PGAP3: variants seen among roughly 807,000 people sequenced by gnomAD.
The protein encoded by PGAP3 is GPI-specific phospholipase A2-like PGAP3.
A neutral mutation model predicts 40.3 loss-of-function variants in PGAP3; 31 were observed. The observed-to-expected ratio is 0.77, with a 90% CI of 0.58 to 1.04. The LOEUF (loss-of-function observed/expected upper bound fraction) is 1.04, where lower values mean the gene tolerates loss of function less well. Among genes scored for constraint, PGAP3 ranks in the 50% least tolerant of loss-of-function variants. PGAP3 has a pLI of 0.00. For missense variants in PGAP3, 413 were observed against 423.0 expected (o/e 0.98, Z 0.21); for synonymous variants, 191 against 184.5 (o/e 1.04, Z -0.29).
intron 1 of PGAP3, among the ~76,000 whole-genome samples, chr17:39,686,460 TG>T (rs2145151307): frequency 6.6e-6 from 1 of 152,100 alleles, no homozygotes; most frequent in Admixed American, 6.6e-5. Flanking sequence ...TTCTCCATGT[TG>T]GTCAGGGTGG....
At chr17:39,684,482 C>A in intron 3 of PGAP3, 115 bp downstream of exon 3, 1 of 1,303,682 alleles carries the variant, frequency 7.7e-7, no homozygotes, top group Non-Finnish European at 1.0e-6. Context: ...CAACTTTAGC[C>A]CTGGGAAACA....
chr17:39,683,111 G>A (rs182700267), intron 3 of PGAP3, among the ~76,000 whole-genome samples: 61 of 151,328 alleles, frequency 4.0e-4, no homozygotes, highest in Admixed American at 9.8e-4. Context: ...AAATCCCTCC[G>A]TACTTCCTGA....
intron 5 of PGAP3, 77 bp from the exon 6 acceptor site, chr17:39,673,727 C>G (rs888432732): frequency 1.3e-5 from 20 of 1,577,440 alleles, no homozygotes; most frequent in Non-Finnish European, 1.6e-5. Context: ...ATCTCCTCCC[C>G]CCAACATTGG....
intron 3 of PGAP3, among the ~76,000 whole-genome samples, chr17:39,678,808 T>C (rs149512621): frequency 6.6e-6 from 1 of 152,156 alleles, no homozygotes; most frequent in East Asian, 1.9e-4. Context: ...TCCACAGGAG[T>C]GTGGGTTCTG....
At chr17:39,674,553 C>G in intron 4 of PGAP3, 64 bp downstream of exon 4, 1 of 1,483,304 alleles carries the variant, frequency 6.7e-7, no homozygotes, top group Non-Finnish European at 9.2e-7. Flanking sequence ...TAGAGCCCCT[C>G]TGCCCACTTC....
chr17:39,676,182 T>G (rs1273038070), intron 3 of PGAP3, among the ~76,000 whole-genome samples: 1 of 152,128 alleles, frequency 6.6e-6, no homozygotes, highest in South Asian at 2.1e-4. Flanking sequence ...AGAGTCAGCA[T>G]GGGGAGAGGA....
In PGAP3 at chr17:39,673,052, T is replaced by C. The variant is rs779595776; in HGVS notation, c.898A>G (p.Ser300Gly). 1.1e-5 allele frequency: 17 copies of C among 1,603,620 alleles called. No individual in the cohort carries two copies. The highest frequency in any genetic ancestry group is 6.9e-5 in the Admixed American group (4 of 57,756). The part of the protein sequence containing the change: ...STIPVHVLFF[S>G]FLEDDSLYLL... ...CACCAGGCAGGGGGCAGCACCCACCTGAAAAAGAGGACGTGGACAGGGATG... is the reference window on the plus strand; with the variant it reads ...CACCAGGCAGGGGGCAGCACCCACCCGAAAAAGAGGACGTGGACAGGGATG... Residue 300 changes from serine to glycine, a missense_variant and splice_region_variant, in exon 7 of 8, where the codon AGC (serine) becomes GGC (glycine). Ser to Gly is a moderately conservative substitution (Grantham distance 56). Coordinates refer to ENST00000300658, the MANE Select transcript of PGAP3 (RefSeq NM_033419.5).
At chr17:39,677,376 G>A (rs2057387413) in intron 3 of PGAP3, among the ~76,000 whole-genome samples, 1 of 152,074 alleles carries the variant, frequency 6.6e-6, no homozygotes, top group Non-Finnish European at 1.5e-5. Flanking sequence ...AAACTATGGG[G>A]CCTCAGGGTC....
In PGAP3 at chr17:39,673,046, C is replaced by A. The variant is rs1411041683; in HGVS notation, c.899+5G>T. ...GGTGAGCACCAGGCAGGGGGCAGCA[C>A]CCACCTGAAAAAGAGGACGTGGACA... is the stretch of plus-strand genomic sequence containing the variant. On this transcript the variant is annotated splice_donor_5th_base_variant and intron_variant, in intron 7 of 7. Transcript: ENST00000300658. 6.2e-7 allele frequency: 1 copy of A among 1,601,244 alleles called. No individual in the cohort carries two copies. The highest frequency in any genetic ancestry group is 1.7e-5 in the Admixed American group (1 of 57,218).
At chr17:39,684,107 A>G (rs1176879587) in intron 3 of PGAP3, among the ~76,000 whole-genome samples, 1 of 132,332 alleles carries the variant, frequency 7.6e-6, no homozygotes, top group Non-Finnish European at 1.6e-5. Context: ...CCTGGGTGAC[A>G]CAGTGAGACT....
intron 3 of PGAP3, among the ~76,000 whole-genome samples, chr17:39,678,022 G>T (rs1258104174): frequency 1.3e-5 from 2 of 152,160 alleles, no homozygotes; most frequent in East Asian, 3.9e-4. Context: ...CCCTGCCTCA[G>T]GCAGGGCAGG....
intron 2 of PGAP3, among the ~76,000 whole-genome samples, chr17:39,685,398 A>G (rs959170242): frequency 6.6e-6 from 1 of 151,616 alleles, no homozygotes; most frequent in Non-Finnish European, 1.5e-5. Flanking sequence ...AGGCTCAGGC[A>G]TGAGAATTGC....
At chr17:39,673,833 G>T in intron 5 of PGAP3, 160 bp downstream of exon 5, 2 of 1,202,494 alleles carry the variant, frequency 1.7e-6, no homozygotes, top group Non-Finnish European at 2.3e-6. Flanking sequence ...AGGGCCCCCA[G>T]TCCTACCCCA....
chr17:39,674,715 C>T (rs753811430), intron 3 of PGAP3, 36 bp from the exon 4 acceptor site: 14 of 1,529,798 alleles, frequency 9.2e-6, no homozygotes, highest in African/African-American at 6.9e-5. Flanking sequence ...TGCTGCCCCC[C>T]ACCCTGACCT....
intron 3 of PGAP3, among the ~76,000 whole-genome samples, chr17:39,680,494 G>A (rs993246555): frequency 2.0e-5 from 3 of 152,058 alleles, no homozygotes; most frequent in Admixed American, 1.3e-4. Flanking sequence ...TCCTTCCCAC[G>A]CCCACCTCCC....
At chr17:39,674,258 G>T (rs751785397) in intron 4 of PGAP3, among the ~76,000 whole-genome samples, 2 of 152,184 alleles carry the variant, frequency 1.3e-5, no homozygotes, top group Non-Finnish European at 2.9e-5. Context: ...GACGCTGGTG[G>T]AGGGTTCCTG....
intron 1 of PGAP3, among the ~76,000 whole-genome samples, chr17:39,686,690 G>T (rs1194779914): frequency 6.6e-6 from 1 of 150,994 alleles, no homozygotes; most frequent in East Asian, 2.0e-4. Flanking sequence ...CTCCCAAGTA[G>T]CGAGACCACA....
intron 3 of PGAP3, among the ~76,000 whole-genome samples, chr17:39,678,921 AC>A (rs989499667): frequency 2.0e-4 from 31 of 151,740 alleles, no homozygotes; most frequent in African/African-American, 7.0e-4. Flanking sequence ...GCCTTCTACC[AC>A]CCCAACATCT....
chr17:39,686,546 G>A (rs559206455), intron 1 of PGAP3, among the ~76,000 whole-genome samples: 2 of 141,512 alleles, frequency 1.4e-5, no homozygotes, highest in African/African-American at 5.2e-5. Context: ...ACGAGCCACC[G>A]CACCCGGCAT....
Sources: allele counts gnomAD v4.1 joint callset (sites outside exome capture counted in the v4.1 genomes callset), GRCh38; gene constraint gnomAD v4.1.1; transcripts MANE v1.5; gene names NCBI Gene and HGNC (gene_info 2026-07-23, HGNC 2026-07-21).